IGF2: variants seen among roughly 807,000 people sequenced by gnomAD.
IGF2 encodes the protein insulin like growth factor 2.
Under a neutral mutation model 12.0 loss-of-function variants are expected in IGF2, and 2 were observed. The observed-to-expected ratio is 0.17, with a 90% CI of 0.07 to 0.52. IGF2 has a LOEUF of 0.52. Ranked by LOEUF, IGF2 falls within the 20% of genes least tolerant of loss-of-function variation. The pLI is 0.95. For missense variants in IGF2, 211 were observed against 268.0 expected, an observed-to-expected ratio of 0.79 and a Z score of 1.48; for synonymous variants, 105 against 110.1, an observed-to-expected ratio of 0.95 and a Z score of 0.29.
At position 2,138,391 on chromosome 11, in the gene IGF2, G is replaced by T. The variant is rs957056382; in HGVS notation, c.-169C>A. ...GAGCGGGGGGATGGCTTTTTTTTGG[G>T]GGGGGGGGGAGAATTCGTCTGATTG... On this transcript the variant is annotated 5_prime_UTR_variant, in exon 1 of 4. Transcript: ENST00000416167. 17 of 536,866 alleles carry T rather than the reference G, an allele frequency of 3.2e-5. 1 individual carries two copies. The highest frequency in any genetic ancestry group is 1.6e-4 in the South Asian group (2 of 12,408). 33.3% of individuals were successfully genotyped at this position (536,866 alleles called of 1,614,324 possible). A position where few individuals can be genotyped will look rare whatever the true frequency, so the allele number is the denominator to read the frequency against.
Position 2,133,337 on chromosome 11 carries a change from TC to T in IGF2, c.307-115del. The T allele has an allele frequency of 2.0e-6, 2 of 1,012,392 alleles. No individual in the cohort carries two copies. The highest frequency in any genetic ancestry group is 1.4e-6 in the Non-Finnish European group (1 of 700,298). 62.7% of individuals were successfully genotyped at this position (1,012,392 alleles called of 1,614,324 possible). ...GACTGATCAGTGACTTGAGCTAATG[TC>T]CACGGGCAGAGGGACAGAAGGAGCC... On this transcript the variant is annotated intron_variant, in intron 3 of 3. Transcript: ENST00000416167. The surrounding 1 kb of genome is among the most constrained non-coding windows in gnomAD (Gnocchi z 8.9).
chr11:2,143,279 C>G (rs910208560), upstream of IGF2, among the ~76,000 whole-genome samples: 3 of 129,582 alleles, frequency 2.3e-5, no homozygotes, highest in Non-Finnish European at 4.7e-5. Context: ...TTAGGGAACC[C>G]AGGTTAGTGT....
chr11:2,149,488 C>G, the IGF2 span: 1 of 733,102 alleles, frequency 1.4e-6, no homozygotes, highest in South Asian at 1.8e-5. Flanking sequence ...ATCCCCTCCA[C>G]TCGTTTCCCT....
intron 1 of IGF2, among the ~76,000 whole-genome samples, chr11:2,137,851 C>A (rs1859190889): frequency 6.6e-6 from 1 of 152,212 alleles, no homozygotes; most frequent in African/African-American, 2.4e-5. Context: ...TCTGCGGCTC[C>A]GCGCCCCTCC....
At position 2,138,702 on chromosome 11, in the gene IGF2, G is replaced by T; in HGVS notation, c.-480C>A. On this transcript the variant is annotated 5_prime_UTR_variant, in exon 1 of 4. Transcript: ENST00000416167. ...TCGGCGAAGGCGAGAGGGCGGGCGT[G>T]AGGGGGGGAGGGAGTCGGAGGCTAG... The T allele has an allele frequency of 1.4e-6, 1 of 731,822 alleles. No individual in the cohort carries two copies. The highest frequency in any genetic ancestry group is 1.6e-6 in the Non-Finnish European group (1 of 607,302). 45.3% of individuals were successfully genotyped at this position (731,822 alleles called of 1,614,324 possible).
upstream of IGF2, chr11:2,140,591 C>A: frequency 2.0e-6 from 1 of 504,598 alleles, no homozygotes. Context: ...AGCCCCCTGC[C>A]CGCCCCACTT....
the IGF2 span, chr11:2,147,297 T>C: frequency 3.0e-6 from 1 of 337,328 alleles, no homozygotes; most frequent in Non-Finnish European, 5.3e-6. The surrounding 1 kb of genome is among the most constrained non-coding windows in gnomAD (Gnocchi z 7.2). Flanking sequence ...CTCCCCTTCT[T>C]TGCCCTCTTT....
upstream of IGF2, chr11:2,140,182 G>C: frequency 6.2e-7 from 1 of 1,613,412 alleles, no homozygotes. Context: ...TCGCCTTTGC[G>C]GCCCACCCAA....
intron 1 of IGF2, 71 bp from the exon 2 acceptor site, chr11:2,135,600 A>G (rs1858955975): frequency 7.0e-7 from 1 of 1,435,302 alleles, no homozygotes; most frequent in Non-Finnish European, 9.5e-7. Context: ...GCCCCTCCCA[A>G]ACCAAATTTG....
upstream of IGF2, among the ~76,000 whole-genome samples, chr11:2,139,636 G>T (rs1167617699): frequency 6.6e-6 from 1 of 150,434 alleles, no homozygotes; most frequent in South Asian, 2.1e-4. Flanking sequence ...TGGGTGGGGG[G>T]CAGGGAGCCG....
Position 2,138,895 on chromosome 11 carries a change from G to A in IGF2, c.-673C>T. ...GGGGGGCGGAGTGGAGGCTGCACCCGGACCGCGGGCGCCCAGCTCGGTTTG... is the reference window on the plus strand; with the variant it reads ...GGGGGGCGGAGTGGAGGCTGCACCCAGACCGCGGGCGCCCAGCTCGGTTTG... On this transcript the variant is annotated 5_prime_UTR_variant, in exon 1 of 4. Coordinates refer to ENST00000416167, the MANE Select transcript of IGF2 (RefSeq NM_000612.6). The A allele has an allele frequency of 1.0e-6, 1 of 984,900 alleles. No individual in the cohort carries two copies. The highest frequency in any genetic ancestry group is 1.2e-6 in the Non-Finnish European group (1 of 829,586). 61.0% of individuals were successfully genotyped at this position (984,900 alleles called of 1,614,324 possible).
Position 2,131,717 on chromosome 11 carries a change from T to C in IGF2, c.*1270A>G, listed in dbSNP as rs994171964. On this transcript the variant is annotated 3_prime_UTR_variant, in exon 4 of 4. Transcript: ENST00000416167. ...TGTGTGTGTGCTGTGTGTGCTGTGT[T>C]CGTGTGTGCTGTGTTCGCGTGTGTG... The C allele has an allele frequency of 1.9e-5, 4 of 213,566 alleles. No individual in the cohort carries two copies. Among genetic ancestry groups the C allele is most frequent in the African/African-American group, 9.8e-5 (4 of 40,672 alleles). 13.2% of individuals were successfully genotyped at this position (213,566 alleles called of 1,614,324 possible). A position where few individuals can be genotyped will look rare whatever the true frequency, so the allele number is the denominator to read the frequency against.
chr11:2,148,821 C>T, the IGF2 span: 16 of 413,316 alleles, frequency 3.9e-5, no homozygotes, highest in Non-Finnish European at 6.1e-5. The surrounding 1 kb of genome is among the most constrained non-coding windows in gnomAD (Gnocchi z 4.3). Flanking sequence ...GCCTAGCCCT[C>T]CTCCCCTACC....
upstream of IGF2, among the ~76,000 whole-genome samples, chr11:2,139,903 C>A (rs1265293008): frequency 1.3e-5 from 2 of 152,082 alleles, no homozygotes; most frequent in African/African-American, 4.8e-5. Flanking sequence ...TCGGGCGGGG[C>A]GCGCAGCCGC....
At chr11:2,136,081 G>A (rs1859021978) in intron 1 of IGF2, among the ~76,000 whole-genome samples, 2 of 152,134 alleles carry the variant, frequency 1.3e-5, no homozygotes, top group South Asian at 4.1e-4. Context: ...AAAGCAGCAG[G>A]CCAGTCCTGC....
chr11:2,145,617 T>G (rs7127959), upstream of IGF2, among the ~76,000 whole-genome samples: 1 of 152,194 alleles, frequency 6.6e-6, no homozygotes, highest in African/African-American at 2.4e-5. Context: ...TGCTTGAAAA[T>G]GCATGCCTGG....
At chr11:2,144,901 A>G (rs1018164697), upstream of IGF2, among the ~76,000 whole-genome samples, 2 of 152,160 alleles carry the variant, frequency 1.3e-5, no homozygotes, top group Non-Finnish European at 2.9e-5. Flanking sequence ...GAAGGGGGGC[A>G]TCTCAAAGCC....
chr11:2,133,743 A>G lies in IGF2; in HGVS notation c.158-78T>C. On this transcript the variant is annotated intron_variant, in intron 2 of 3. Coordinates refer to ENST00000416167, the MANE Select transcript of IGF2 (RefSeq NM_000612.6). This position sits in a 1 kb window ranked among gnomAD's most constrained non-coding sequence, Gnocchi z 8.9. ...CCCCCGGAGGCTGAAGGGGGAGCAA[A>G]CCACCCCTGCCCTCAGGCCAGGCCC... The G allele has an allele frequency of 6.4e-7, 1 of 1,550,468 alleles. No individual in the cohort carries two copies. Among genetic ancestry groups the G allele is most frequent in the Non-Finnish European group, 8.8e-7 (1 of 1,139,628 alleles).
At position 2,130,113 on chromosome 11, in the gene IGF2, G is replaced by A. The variant is rs990657793; in HGVS notation, c.*2874C>T. ...AGAGGGGAGGGTTCCTCAAGTGTGC[G>A]GAAGGCGGCCACCCTGCCCCAGCCT... On this transcript the variant is annotated 3_prime_UTR_variant, in exon 4 of 4. Transcript: ENST00000416167. The A allele has an allele frequency of 2.6e-5, 6 of 230,374 alleles. No homozygotes were observed. The highest frequency in any genetic ancestry group is 1.3e-3 in the Middle Eastern group (1 of 796). 14.3% of individuals were successfully genotyped at this position (230,374 alleles called of 1,614,324 possible).
Sources: gnomAD v4.1 joint callset for allele counts (sites outside exome capture counted in the v4.1 genomes callset) on GRCh38, gnomAD v4.1.1 for gene constraint, Gnocchi (gnomAD v3.1) non-coding constraint, MANE v1.5 for transcripts, NCBI Gene and HGNC (gene_info 2026-07-23, HGNC 2026-07-21) for gene names.